ARMH4: variants seen among roughly 807,000 people sequenced by gnomAD.
ARMH4 encodes the protein armadillo like helical domain containing 4.
ARMH4 carries 49 observed loss-of-function variants against 61.9 expected under a neutral mutation model. The ratio of observed to expected loss-of-function variants is 0.79; its 90% CI spans 0.63 to 1.00. ARMH4 has a LOEUF of 1.00. Among genes scored for constraint, ARMH4 ranks in the 50% least tolerant of loss-of-function variants. The pLI is 0.00. For missense variants in ARMH4, 934 were observed against 930.0 expected, an observed-to-expected ratio of 1.00 and a Z score of -0.06; for synonymous variants, 368 against 341.5, an observed-to-expected ratio of 1.08 and a Z score of -0.85.
Position 58,076,539 on chromosome 14 carries a change from A to AGCAAGTTTT in ARMH4, c.2089+20184_2089+20185insAAAACTTGC, listed in dbSNP as rs1454854623. ...CAGTAGCAGATCCCAAACTTGCTTA[A>AGCAAGTTTT]AACCTCACCCATATTCTTAGGGAAA... On this transcript the variant is annotated intron_variant, in intron 5 of 7. Transcript: ENST00000267485. Among the ~76,000 whole-genome samples, 814 of 152,362 alleles carry AGCAAGTTTT rather than the reference A, an allele frequency of 5.3e-3. 10 individuals are homozygous for AGCAAGTTTT. The highest frequency in any genetic ancestry group is 0.019 in the African/African-American group (772 of 41,578).
intron 5 of ARMH4, among the ~76,000 whole-genome samples, chr14:58,021,519 A>G (rs1882830119): frequency 6.6e-6 from 1 of 152,208 alleles, no homozygotes; most frequent in Admixed American, 6.5e-5. Flanking sequence ...ATGGCAGTAT[A>G]AAAATGGACT....
intron 1 of ARMH4, 45 bp downstream of exon 1, chr14:58,152,030 T>A (rs1594788925): frequency 6.6e-6 from 1 of 152,612 alleles, no homozygotes; most frequent in South Asian, 2.0e-4. Flanking sequence ...GCGCCACGTC[T>A]GCAGCCGCGG....
At chr14:58,104,187 C>T (rs1290358855) in intron 4 of ARMH4, among the ~76,000 whole-genome samples, 2 of 152,128 alleles carry the variant, frequency 1.3e-5, no homozygotes, top group African/African-American at 4.8e-5. Context: ...ACATGAGATG[C>T]CTTCTTCTGA....
chr14:58,135,899 C>T (rs1594778303), intron 2 of ARMH4, among the ~76,000 whole-genome samples: 1 of 152,164 alleles, frequency 6.6e-6, no homozygotes, highest in East Asian at 1.9e-4. Flanking sequence ...TGTATAACAA[C>T]TGCTGTCAAT....
intron 5 of ARMH4, among the ~76,000 whole-genome samples, chr14:58,021,232 A>C (rs1216573739): frequency 1.3e-5 from 2 of 152,292 alleles, no homozygotes; most frequent in East Asian, 3.9e-4. Flanking sequence ...AACTGCCACT[A>C]TCCTCACATG....
chr14:58,036,127 T>A (rs1883474793), intron 5 of ARMH4, among the ~76,000 whole-genome samples: 1 of 109,380 alleles, frequency 9.1e-6, no homozygotes, highest in Non-Finnish European at 2.0e-5. Context: ...ATATCCTTGA[T>A]GAACATTGAT....
intron 5 of ARMH4, among the ~76,000 whole-genome samples, chr14:58,071,431 T>C (rs1884879396): frequency 6.6e-6 from 1 of 152,172 alleles, no homozygotes; most frequent in African/African-American, 2.4e-5. Context: ...TTCTTATCAA[T>C]ATTTCCTTCT....
intron 1 of ARMH4, among the ~76,000 whole-genome samples, chr14:58,151,533 C>T (rs1887921827): frequency 6.6e-6 from 1 of 152,168 alleles, no homozygotes; most frequent in South Asian, 2.1e-4. Context: ...CTGCGCTAAA[C>T]ACTCAACTGT....
At chr14:58,099,352 A>G (rs937709712) in intron 4 of ARMH4, among the ~76,000 whole-genome samples, 2 of 152,318 alleles carry the variant, frequency 1.3e-5, no homozygotes, top group Non-Finnish European at 2.9e-5. Context: ...AGGAAGATCC[A>G]CACAGGAAAC....
At chr14:58,042,599 C>T (rs558480224) in intron 5 of ARMH4, among the ~76,000 whole-genome samples, 4 of 152,012 alleles carry the variant, frequency 2.6e-5, no homozygotes, top group Non-Finnish European at 5.9e-5. Context: ...TAACTAAGAT[C>T]AGAGCAGAAC....
At chr14:58,065,107 T>C (rs1884661572) in intron 5 of ARMH4, among the ~76,000 whole-genome samples, 1 of 152,172 alleles carries the variant, frequency 6.6e-6, no homozygotes. Context: ...CCGGGCGTGT[T>C]GGTGGACACC....
At chr14:58,090,604 C>T (rs1885523007) in intron 5 of ARMH4, among the ~76,000 whole-genome samples, 1 of 152,086 alleles carries the variant, frequency 6.6e-6, no homozygotes, top group South Asian at 2.1e-4. Context: ...AGTGGCCAGG[C>T]ACAGTGGCTC....
intron 5 of ARMH4, among the ~76,000 whole-genome samples, chr14:58,026,303 A>G (rs1407472060): frequency 1.3e-5 from 2 of 152,068 alleles, no homozygotes; most frequent in Non-Finnish European, 2.9e-5. Flanking sequence ...AGAAAAAAAA[A>G]GTATTTGCCT....
chr14:58,141,409 A>T, intron 1 of ARMH4: 1 of 537,172 alleles, frequency 1.9e-6, no homozygotes, highest in South Asian at 1.4e-5. Context: ...GCAGCGTCTG[A>T]TATTTGCTGG....
intron 6 of ARMH4, among the ~76,000 whole-genome samples, chr14:58,008,615 T>C (rs1445769586): frequency 6.6e-6 from 1 of 152,192 alleles, no homozygotes; most frequent in East Asian, 1.9e-4. Context: ...ACAGCATCCT[T>C]ACGATTTCTG....
intron 4 of ARMH4, among the ~76,000 whole-genome samples, chr14:58,109,932 G>C (rs918515705): frequency 6.6e-6 from 1 of 152,166 alleles, no homozygotes. Flanking sequence ...AAGGTGGCAG[G>C]AGTCAGAAAG....
chr14:58,023,794 A>G (rs568865709), intron 5 of ARMH4, among the ~76,000 whole-genome samples: 2 of 152,344 alleles, frequency 1.3e-5, no homozygotes, highest in African/African-American at 4.8e-5. Context: ...CAGAATGGAC[A>G]TTGTATTAGT....
In ARMH4 at chr14:58,139,155, C is replaced by G. The variant is rs1887440425; in HGVS notation, c.204G>C (p.Leu68=). The G allele has an allele frequency of 1.2e-6, 2 of 1,614,052 alleles. No individual in the cohort carries two copies. The highest frequency in any genetic ancestry group is 2.7e-5 in the African/African-American group (2 of 74,924). Residue 68 remains leucine, a synonymous_variant, in exon 2 of 8, where the codon CTG becomes CTC. Transcript: ENST00000267485. ...SSVTSKQTPQ[L]VVSEDPMMMS... ...TCATCATTGGATCTTCAGAGACCACCAGTTGGGGAGTCTGCTTTGAGGTAA... is the reference window on the plus strand; with the variant it reads ...TCATCATTGGATCTTCAGAGACCACGAGTTGGGGAGTCTGCTTTGAGGTAA...
intron 5 of ARMH4, among the ~76,000 whole-genome samples, chr14:58,030,581 C>T (rs1883193480): frequency 6.6e-6 from 1 of 152,200 alleles, no homozygotes; most frequent in Non-Finnish European, 1.5e-5. Flanking sequence ...AACTTCCCAT[C>T]AAGTAACACT....
Sources: gnomAD v4.1 joint callset for allele counts (sites outside exome capture counted in the v4.1 genomes callset) on GRCh38, gnomAD v4.1.1 for gene constraint, MANE v1.5 for transcripts, NCBI Gene and HGNC (gene_info 2026-07-23, HGNC 2026-07-21) for gene names.